Variants in RHPN1 observed in about 807,000 individuals in gnomAD.
RHPN1 encodes the protein rhophilin Rho GTPase binding protein 1.
Under a neutral mutation model 74.7 loss-of-function variants are expected in RHPN1, and 77 were observed. The ratio of observed to expected loss-of-function variants is 1.03; its 90% CI spans 0.86 to 1.25. The LOEUF (loss-of-function observed/expected upper bound fraction) is 1.25, where lower values mean the gene tolerates loss of function less well. RHPN1 is among the 50% of genes most tolerant of loss of function. The probability of loss-of-function intolerance (pLI) is 0.00; values close to 1 mark genes in which losing one functional copy is unlikely to be tolerated. For synonymous variants in RHPN1, 444 were observed against 414.5 expected (o/e 1.07, Z -0.87); for missense variants, 987 against 932.2 (o/e 1.06, Z -0.77).
At chr8:143,369,153 G>A in intron 1 of RHPN1, 106 bp downstream of exon 1, 2 of 840,026 alleles carry the variant, frequency 2.4e-6, no homozygotes, top group Admixed American at 4.0e-5. Flanking sequence ...GTCTCATTCG[G>A]CCCGGACGCA....
chr8:143,378,608 T>C, intron 5 of RHPN1, 88 bp from the exon 6 acceptor site: 2 of 1,469,802 alleles, frequency 1.4e-6, no homozygotes, highest in Non-Finnish European at 1.8e-6. Flanking sequence ...CCGCCCCCCA[T>C]GGTGCTGGTG....
intron 1 of RHPN1, among the ~76,000 whole-genome samples, chr8:143,371,090 G>A (rs910997022): frequency 6.6e-6 from 1 of 152,172 alleles, no homozygotes; most frequent in African/African-American, 2.4e-5. Context: ...GGGTGCTCAG[G>A]AAGCACCAGT....
chr8:143,376,433 TTGAC>T (rs1228999983), intron 2 of RHPN1, 88 bp from the exon 3 acceptor site: 2 of 1,547,146 alleles, frequency 1.3e-6, no homozygotes, highest in African/African-American at 2.7e-5. Flanking sequence ...GCTTGGAGCT[TTGAC>T]AGGTCAGCTG....
chr8:143,379,542 G>A, intron 8 of RHPN1, 34 bp downstream of exon 8: 3 of 1,516,310 alleles, frequency 2.0e-6, no homozygotes, highest in South Asian at 1.2e-5. Context: ...GATGCAGGGG[G>A]TGGGGCCGAG....
chr8:143,375,711 T>G (rs770915424), intron 2 of RHPN1, 43 bp downstream of exon 2: 5 of 1,472,306 alleles, frequency 3.4e-6, no homozygotes, highest in Admixed American at 2.0e-5. Context: ...AGGGCCCACC[T>G]GGGTGAGGGG....
intron 8 of RHPN1, 51 bp downstream of exon 8, chr8:143,379,559 T>A (rs1241521061): frequency 2.7e-6 from 4 of 1,499,530 alleles, no homozygotes; most frequent in Middle Eastern, 2.4e-4. Context: ...CGAGCTGGGG[T>A]CAGAGCCCAG....
Position 143,379,193 on chromosome 8 carries a change from A to T in RHPN1, c.751+115A>T, listed in dbSNP as rs189198520. The T allele has an allele frequency of 3.6e-4, 493 of 1,374,900 alleles. No homozygotes were observed. The African/African-American group carries it at 6.5e-3, about 18-fold the overall frequency. 85.2% of individuals were successfully genotyped at this position (1,374,900 alleles called of 1,614,324 possible). A position where few individuals can be genotyped will look rare whatever the true frequency, so the allele number is the denominator to read the frequency against. Reference sequence around the variant, plus strand: ...GGACATCAGTCCCTCAGGTAGGGGGAGTGAGCACATCAGGTCCATATGTGT... The same window carrying T: ...GGACATCAGTCCCTCAGGTAGGGGGTGTGAGCACATCAGGTCCATATGTGT... On this transcript the variant is annotated intron_variant, in intron 7 of 14. Transcript: ENST00000289013.
At chr8:143,375,435 C>T (rs1326600819) in intron 1 of RHPN1, 118 bp from the exon 2 acceptor site, 4 of 645,648 alleles carry the variant, frequency 6.2e-6, no homozygotes, top group South Asian at 2.1e-5. Context: ...CCAGCCCCAG[C>T]GCATGGTGAC....
chr8:143,377,495 C>T lies in RHPN1; in HGVS notation c.381+40C>T, dbSNP rs1818363262. On this transcript the variant is annotated intron_variant, in intron 4 of 14. Transcript: ENST00000289013. ...CCAAGCTCTGAGATACACGGCCCTGCCCTGGGACCAAGGGGGTCTTGGAGG... is the reference window on the plus strand; with the variant it reads ...CCAAGCTCTGAGATACACGGCCCTGTCCTGGGACCAAGGGGGTCTTGGAGG... The T allele has an allele frequency of 2.7e-6, 4 of 1,485,616 alleles. No individual in the cohort carries two copies. In the African/African-American group the frequency reaches 4.2e-5, roughly 15 times the overall value. The allele number at this position is 1,485,616 out of a possible 1,614,324, so 92.0% of individuals were successfully genotyped here. A position where few individuals can be genotyped will look rare whatever the true frequency, so the allele number is the denominator to read the frequency against.
intron 8 of RHPN1, 69 bp downstream of exon 8, chr8:143,379,577 C>T (rs1283564154): frequency 1.4e-6 from 2 of 1,476,492 alleles, no homozygotes; most frequent in African/African-American, 2.8e-5. Flanking sequence ...CAGGTCCAGG[C>T]ATGCGTGAGC....
chr8:143,380,478 A>G (rs1818637388), intron 10 of RHPN1, 111 bp from the exon 11 acceptor site: 4 of 1,070,032 alleles, frequency 3.7e-6, no homozygotes, highest in African/African-American at 1.6e-5. Flanking sequence ...CGCACCCCCA[A>G]CGAAAGTGGC....
rs1818819395 is a variant in RHPN1, at chr8:143,382,574, A to G, written c.1936A>G (p.Thr646Ala). ...NWSRKAQQGK[T>A]GGCPQPCAPV... ...GAGCCGAAAGGCCCAGCAGGGCAAGACTGGAGGCTGCCCCCAGCCCTGTGC... is the reference window on the plus strand; with the variant it reads ...GAGCCGAAAGGCCCAGCAGGGCAAGGCTGGAGGCTGCCCCCAGCCCTGTGC... Residue 646 changes from threonine (T) to alanine (A), a missense_variant, in exon 15 of 15, where the codon ACT becomes GCT. Physicochemically the swap from Thr to Ala is moderately conservative, Grantham distance 58. Transcript: ENST00000289013. The G allele has an allele frequency of 1.2e-6, 2 of 1,611,432 alleles. No homozygotes were observed. Among genetic ancestry groups the G allele is most frequent in the East Asian group, 4.5e-5 (2 of 44,860 alleles).
chr8:143,368,280 A>T (rs1817605254), upstream of RHPN1: 1 of 153,776 alleles, frequency 6.5e-6, no homozygotes, highest in South Asian at 2.1e-4. Flanking sequence ...ACACCGACAG[A>T]GGCGCCTCGG....
At position 143,378,356 on chromosome 8, in the gene RHPN1, T is replaced by TCGGGGGGGGGGGG. The variant is rs1818427574; in HGVS notation, c.459+11_459+12insGGGGGGGGGGGGC. On this transcript the variant is annotated intron_variant, in intron 5 of 14. Coordinates refer to ENST00000289013, the MANE Select transcript of RHPN1 (RefSeq NM_052924.3). The stretch of plus-strand genomic sequence containing the variant: ...GGAGGCCCTGCGGCAGGTGTGTGGT[T>TCGGGGGGGGGGGG]CCCCCGCCCACCCACCCTCCTGCAG... 57 of 1,525,294 alleles carry TCGGGGGGGGGGGG rather than the reference T, an allele frequency of 3.7e-5. No homozygotes were observed. Among genetic ancestry groups the TCGGGGGGGGGGGG allele is most frequent in the Middle Eastern group, 2.3e-4 (1 of 4,338 alleles). The allele number at this position is 1,525,294 out of a possible 1,614,324, so 94.5% of individuals were successfully genotyped here.
Position 143,374,187 on chromosome 8 carries a change from G to C in RHPN1, c.61-1366G>C, listed in dbSNP as rs149554269. The C allele has an allele frequency of 5.7e-5, 56 of 985,470 alleles. No individual in the cohort carries two copies. The East Asian group carries it at 5.4e-3, about 96-fold the overall frequency. The allele number at this position is 985,470 out of a possible 1,614,324, so 61.0% of individuals were successfully genotyped here. A position where few individuals can be genotyped will look rare whatever the true frequency, so the allele number is the denominator to read the frequency against. On this transcript the variant is annotated intron_variant, in intron 1 of 14. Transcript: ENST00000289013. ...CGTGTGAGCTCTTTACGGGGAAGAC[G>C]GGAAGGCCTGAGAGACGTGTGTGCG...
chr8:143,368,375 C>G (rs1475067116), upstream of RHPN1: 2 of 153,052 alleles, frequency 1.3e-5, no homozygotes, highest in African/African-American at 4.8e-5. Flanking sequence ...GCACTTGTCC[C>G]TAACAAAACC....
intron 1 of RHPN1, chr8:143,374,269 C>T (rs1818064183): frequency 5.1e-6 from 5 of 985,324 alleles, no homozygotes; most frequent in Non-Finnish European, 6.0e-6. Context: ...ACGTTGGCCC[C>T]ATGAATCCGC....
Position 143,379,423 on chromosome 8 carries a change from G to T in RHPN1, c.860G>T (p.Cys287Phe). Residue 287 changes from cysteine (C) to phenylalanine (F), a missense_variant, in exon 8 of 15, where the codon TGT becomes TTT. Physicochemically the swap from Cys to Phe is radical, Grantham distance 205. Coordinates refer to ENST00000289013, the MANE Select transcript of RHPN1 (RefSeq NM_052924.3). ...EQLMMAQAQE[C>F]VFEGLSPPAS... Reference sequence around the variant, plus strand: ...CTCATGATGGCCCAGGCCCAGGAATGTGTGTTTGAGGGCCTCTCACCACCT... The same window carrying T: ...CTCATGATGGCCCAGGCCCAGGAATTTGTGTTTGAGGGCCTCTCACCACCT... 1 of 1,582,492 alleles carries T rather than the reference G, an allele frequency of 6.3e-7. No homozygotes were observed. The highest frequency in any genetic ancestry group is 2.3e-5 in the East Asian group (1 of 42,896).
rs1452320953 is a variant in RHPN1, at chr8:143,382,641, G to A, written c.2003G>A (p.Gly668Glu). Reference sequence around the variant, plus strand: ...CCGCCCTCATCCTTGAAGCACCCAGGGTGGCCGTGAGGGCCAGGATCCCTG... The same window carrying A: ...CCGCCCTCATCCTTGAAGCACCCAGAGTGGCCGTGAGGGCCAGGATCCCTG... The part of the protein sequence containing the change: ...PAPPSSLKHP[G>E]WP The change falls in exon 15 of 15, where the codon GGG becomes GAG. Residue 668 changes from glycine to glutamate, a missense_variant. Gly to Glu is a moderately conservative substitution (Grantham distance 98). Coordinates refer to ENST00000289013, the MANE Select transcript of RHPN1 (RefSeq NM_052924.3). The A allele has an allele frequency of 1.9e-6, 3 of 1,609,262 alleles. No individual in the cohort carries two copies. Among genetic ancestry groups the A allele is most frequent in the South Asian group, 1.1e-5 (1 of 90,928 alleles).
Sources: allele counts gnomAD v4.1 joint callset (sites outside exome capture counted in the v4.1 genomes callset), GRCh38; gene constraint gnomAD v4.1.1; transcripts MANE v1.5; gene names NCBI Gene and HGNC (gene_info 2026-07-23, HGNC 2026-07-21).